MYO19: variants seen among roughly 807,000 people sequenced by gnomAD.
MYO19 encodes the protein myosin XIX.
Under a neutral mutation model 129.2 loss-of-function variants are expected in MYO19, and 132 were observed. The observed-to-expected ratio is 1.02, with a 90% confidence interval of 0.89 to 1.18. The LOEUF is 1.18. Among genes scored for constraint, MYO19 ranks in the 50% most tolerant of loss-of-function variants. The pLI, the probability that MYO19 is intolerant of heterozygous loss-of-function variation, is 0.00. For synonymous variants in MYO19, 531 were observed against 477.2 expected (o/e 1.11, Z -1.47); for missense variants, 1,210 against 1,216.7 (o/e 0.99, Z 0.08).
chr17:36,530,639 GAC>G (rs1198922683), intron 3 of MYO19, among the ~76,000 whole-genome samples: 2 of 133,040 alleles, frequency 1.5e-5, no homozygotes, highest in Admixed American at 7.6e-5. Context: ...TTTTTTTTTT[GAC>G]ACAGAGTCTC....
rs753717257 is a variant in MYO19 at position 36,498,404 on chromosome 17, C to T, written c.2619G>A (p.Thr873=). The change falls in exon 25 of 26, where the codon ACG becomes ACA. Residue 873 remains threonine, a synonymous_variant. Coordinates refer to ENST00000614623, the MANE Select transcript of MYO19 (RefSeq NM_001163735.2). The part of the protein sequence containing the change: ...LWPLGLVLAN[T]AMGVGSFQRK... The stretch of plus-strand genomic sequence containing the variant: ...TCTGAAAGCTGCCTACACCCATAGC[C>T]GTATTGGCCAGGACCAGTCCCAGGG... 8.1e-6 allele frequency: 13 copies of T among 1,613,908 alleles called. No homozygotes were observed. The Middle Eastern group carries it at 4.9e-4, about 61-fold the overall frequency.
At chr17:36,498,719 C>G (rs2142704067) in intron 24 of MYO19, 160 bp from the exon 25 acceptor site, 1 of 752,892 alleles carries the variant, frequency 1.3e-6, no homozygotes, top group Admixed American at 2.9e-5. Context: ...TTCCATATGC[C>G]ACAAGTCTAT....
At chr17:36,500,695 C>G in intron 23 of MYO19, 135 bp downstream of exon 23, 1 of 1,267,786 alleles carries the variant, frequency 7.9e-7, no homozygotes, top group East Asian at 2.6e-5. Flanking sequence ...AATTTGAATC[C>G]CAGCACACCA....
chr17:36,538,128 C>G (rs761421862), upstream of MYO19: 14 of 1,614,014 alleles, frequency 8.7e-6, no homozygotes, highest in Admixed American at 2.3e-4. Flanking sequence ...AGCCTGTTTT[C>G]TTTTACTGGC....
intron 6 of MYO19, 68 bp downstream of exon 6, chr17:36,525,160 A>C (rs1037546300): frequency 6.8e-6 from 8 of 1,182,190 alleles, no homozygotes; most frequent in Non-Finnish European, 8.8e-6. Context: ...AAGGCCAAGG[A>C]ATGACCCCTG....
chr17:36,499,039 TCCACTG>T, intron 24 of MYO19, 30 bp downstream of exon 24: 1 of 1,534,004 alleles, frequency 6.5e-7, no homozygotes, highest in African/African-American at 1.4e-5. Flanking sequence ...CCAAAATTGA[TCCACTG>T]CCCACCCCGA....
intron 9 of MYO19, 130 bp from the exon 10 acceptor site, chr17:36,513,855 G>T (rs1308148967): frequency 6.6e-6 from 5 of 759,166 alleles, no homozygotes; most frequent in Admixed American, 5.4e-5. Flanking sequence ...TCCCTTCCGA[G>T]AGCCCACGGC....
At chr17:36,538,904 C>T (rs1318912614), upstream of MYO19, 2 of 258,390 alleles carry the variant, frequency 7.7e-6, no homozygotes, top group Non-Finnish European at 1.6e-5. Context: ...TAGGCATGTA[C>T]CACCATGCCC....
intron 6 of MYO19, among the ~76,000 whole-genome samples, chr17:36,521,735 A>G (rs1429496054): frequency 6.6e-6 from 1 of 152,192 alleles, no homozygotes; most frequent in Non-Finnish European, 1.5e-5. Flanking sequence ...ACAGCAATAT[A>G]TGAAAATAAA....
At chr17:36,528,602 A>G (rs1488162408) in intron 3 of MYO19, among the ~76,000 whole-genome samples, 1 of 152,010 alleles carries the variant, frequency 6.6e-6, no homozygotes, top group Non-Finnish European at 1.5e-5. Context: ...TGTATAGTAG[A>G]AGGAGACTCT....
rs769482440 is a variant in MYO19 at position 36,496,340 on chromosome 17, G to A, written c.2824C>T (p.Pro942Ser). 55 of 1,613,888 alleles carry A rather than the reference G, an allele frequency of 3.4e-5. No homozygotes were observed. In the East Asian group the frequency reaches 1.2e-3, roughly 35 times the overall value. ...RYADICPEPS[P>S]YSITGFNQIL... ...TGATTAAAGCCTGTAATGCTGTAGGGTGAAGGTTCAGGGCAGATGTCAGCA... is the reference window on the plus strand; with the variant it reads ...TGATTAAAGCCTGTAATGCTGTAGGATGAAGGTTCAGGGCAGATGTCAGCA... The change falls in exon 26 of 26, where the codon CCC (proline) becomes TCC (serine). Residue 942 changes from proline to serine, a missense_variant. Transcript: ENST00000614623.
At chr17:36,534,167 T>A (rs934276211) in intron 1 of MYO19, 63 bp from the exon 2 acceptor site, 1 of 152,438 alleles carries the variant, frequency 6.6e-6, no homozygotes, top group East Asian at 1.9e-4. Flanking sequence ...AGTGGCAACC[T>A]GATCACCAGT....
chr17:36,504,930 A>G lies in MYO19; in HGVS notation c.1905+367T>C, dbSNP rs865835237. On this transcript the variant is annotated intron_variant, in intron 19 of 25. Transcript: ENST00000614623. ...TCAGTCTCAAAAAAAAAAAAAAAAA[A>G]GAAAAAAATGATACCTCCAGTGAGA... 451 of 268,876 alleles carry G rather than the reference A, an allele frequency of 1.7e-3. 1 individual carries two copies. The highest frequency in any genetic ancestry group is 5.6e-3 in the Middle Eastern group (4 of 714). The allele number at this position is 268,876 out of a possible 1,614,324, so 16.7% of individuals were successfully genotyped here.
intron 11 of MYO19, chr17:36,512,707 T>G (rs1342092382): frequency 7.8e-7 from 1 of 1,289,184 alleles, no homozygotes. Flanking sequence ...CACTTTCCAC[T>G]GCATTGCTAC....
rs545420663 is a variant in MYO19 at position 36,496,100 on chromosome 17, C to T, written c.*151G>A. 5.5e-6 allele frequency: 6 copies of T among 1,088,196 alleles called. No individual in the cohort carries two copies. In the South Asian group the frequency reaches 7.5e-5, roughly 14 times the overall value. The allele number at this position is 1,088,196 out of a possible 1,614,324, so 67.4% of individuals were successfully genotyped here. Reference sequence around the variant, plus strand: ...ACCCCAGGCCCACTGACGCACTGGGCACGGGGCTCTGGGTCGAAGGCTGGA... The same window carrying T: ...ACCCCAGGCCCACTGACGCACTGGGTACGGGGCTCTGGGTCGAAGGCTGGA... On this transcript the variant is annotated 3_prime_UTR_variant, in exon 26 of 26. Coordinates refer to ENST00000614623, the MANE Select transcript of MYO19 (RefSeq NM_001163735.2).
chr17:36,544,009 T>C (rs559470384), upstream of MYO19, among the ~76,000 whole-genome samples: 4 of 152,344 alleles, frequency 2.6e-5, no homozygotes, highest in Admixed American at 1.3e-4. Flanking sequence ...AGGACTTTCA[T>C]AGGCTAAATA....
At chr17:36,524,658 C>T (rs989180459) in intron 6 of MYO19, among the ~76,000 whole-genome samples, 17 of 152,220 alleles carry the variant, frequency 1.1e-4, no homozygotes, top group African/African-American at 3.9e-4. Context: ...CATGCGCAAC[C>T]CAGAGGGTTC....
At chr17:36,528,010 A>G (rs2073586582) in intron 4 of MYO19, 54 bp downstream of exon 4, 1 of 1,586,296 alleles carries the variant, frequency 6.3e-7, no homozygotes, top group Non-Finnish European at 8.6e-7. Context: ...GACTACTCTC[A>G]TTACACCTCC....
At chr17:36,518,365 T>C (rs1281641334) in intron 6 of MYO19, among the ~76,000 whole-genome samples, 1 of 150,340 alleles carries the variant, frequency 6.7e-6, no homozygotes, top group East Asian at 2.0e-4. Context: ...TGTGGTGGCA[T>C]GCACCTGTAA....
Sources: gnomAD v4.1 joint callset for allele counts (sites outside exome capture counted in the v4.1 genomes callset) on GRCh38, gnomAD v4.1.1 for gene constraint, MANE v1.5 for transcripts, NCBI Gene and HGNC (gene_info 2026-07-23, HGNC 2026-07-21) for gene names.